Variants in HERC2 observed in about 807,000 individuals in gnomAD.
The protein encoded by HERC2 is HECT and RLD domain containing E3 ubiquitin protein ligase 2.
In HERC2, 102 loss-of-function variants were observed where a neutral mutation model predicts 537.7. The ratio of observed to expected loss-of-function variants is 0.19; its 90% CI spans 0.16 to 0.22. The LOEUF (loss-of-function observed/expected upper bound fraction) is 0.22. Ranked by LOEUF, HERC2 falls within the 10% of genes least tolerant of loss-of-function variation. The pLI, the probability that HERC2 is intolerant of heterozygous loss-of-function variation, is 1.00. For synonymous variants in HERC2, 2,224 were observed against 2,466.2 expected (o/e 0.90, Z 2.91); for missense variants, 4,236 against 6,198.2 (o/e 0.68, Z 10.63).
At chr15:28,190,831 G>A in intron 55 of HERC2, 134 bp downstream of exon 55, 1 of 665,550 alleles carries the variant, frequency 1.5e-6, no homozygotes, top group Non-Finnish European at 2.7e-6. Flanking sequence ...CTTTTAAAGT[G>A]TCAAAATTTA....
intron 27 of HERC2, 50 bp downstream of exon 27, chr15:28,234,020 C>T (rs1902161689): frequency 3.0e-6 from 2 of 658,374 alleles, no homozygotes; most frequent in Non-Finnish European, 5.5e-6. Flanking sequence ...ATGTCAAAGT[C>T]CTCAGATAAA....
At chr15:28,290,213 G>A (rs1203368943) in intron 4 of HERC2, among the ~76,000 whole-genome samples, 1 of 152,140 alleles carries the variant, frequency 6.6e-6, no homozygotes, top group Non-Finnish European at 1.5e-5. Flanking sequence ...ACAGTGAATA[G>A]AACAAGTAGG....
intron 2 of HERC2, among the ~76,000 whole-genome samples, chr15:28,319,767 T>C (rs1372004858): frequency 9.2e-5 from 14 of 152,206 alleles, no homozygotes; most frequent in South Asian, 2.1e-4. Flanking sequence ...AAACTGGTTT[T>C]AGATCAAGAC....
In HERC2 at chr15:28,196,537, C is replaced by A. The variant is rs1406939840; in HGVS notation, c.8044G>T (p.Asp2682Tyr). Reference protein sequence around the residue: ...FSANGKDIIVDFPQQSHWTGL... With the variant: ...FSANGKDIIVYFPQQSHWTGL... ...GTCCAGTGAGACTGCTGGGGAAAGTCGACAATGATATCTTTTCCATTGGCA... is the reference window on the plus strand; with the variant it reads ...GTCCAGTGAGACTGCTGGGGAAAGTAGACAATGATATCTTTTCCATTGGCA... The change falls in exon 51 of 93, where the codon GAC (aspartate) becomes TAC (tyrosine). Residue 2682 changes from aspartate (D) to tyrosine (Y), a missense_variant. Coordinates refer to ENST00000261609, the MANE Select transcript of HERC2 (RefSeq NM_004667.6). 1.9e-6 allele frequency: 3 copies of A among 1,613,066 alleles called. No individual in the cohort carries two copies. The highest frequency in any genetic ancestry group is 1.7e-5 in the Admixed American group (1 of 60,000).
intron 83 of HERC2, among the ~76,000 whole-genome samples, chr15:28,125,943 C>T (rs1165099765): frequency 6.6e-6 from 1 of 152,228 alleles, no homozygotes; most frequent in African/African-American, 2.4e-5. Flanking sequence ...TCCTGAGTAG[C>T]TAGGCTCACA....
At chr15:28,313,411 C>A (rs552581885) in intron 2 of HERC2, among the ~76,000 whole-genome samples, 2 of 152,312 alleles carry the variant, frequency 1.3e-5, no homozygotes, top group East Asian at 3.9e-4. Flanking sequence ...GACCTCCTGA[C>A]CTTGTGATCC....
intron 16 of HERC2, among the ~76,000 whole-genome samples, chr15:28,258,906 C>T (rs774789072): frequency 3.9e-5 from 6 of 152,048 alleles, no homozygotes; most frequent in Admixed American, 2.6e-4. Context: ...GGGACATCAC[C>T]GCAGGCCCCA....
chr15:28,229,357 A>C lies in HERC2; in HGVS notation c.5121-11T>G. On this transcript the variant is annotated splice_polypyrimidine_tract_variant and intron_variant, in intron 33 of 92. Transcript: ENST00000261609. ...TCAGTAAGAGGTTCCCTTTCAAATAAAGATAAAGAATTTGACTTGGGACAC... is the reference window on the plus strand; with the variant it reads ...TCAGTAAGAGGTTCCCTTTCAAATACAGATAAAGAATTTGACTTGGGACAC... 6.2e-7 allele frequency: 1 copy of C among 1,612,350 alleles called. No homozygotes were observed. Among genetic ancestry groups the C allele is most frequent in the Non-Finnish European group, 8.5e-7 (1 of 1,178,436 alleles).
intron 4 of HERC2, 30 bp from the exon 5 acceptor site, chr15:28,280,317 C>T: frequency 6.4e-7 from 1 of 1,552,196 alleles, no homozygotes; most frequent in East Asian, 2.3e-5. Context: ...AACATCTCAC[C>T]TGTGGACAAT....
Position 28,229,548 on chromosome 15 carries a change from G to A in HERC2, c.5032C>T (p.Leu1678=), listed in dbSNP as rs1298935190. The change falls in exon 33 of 93, where the codon CTG becomes TTG. Residue 1678 remains leucine, a synonymous_variant. Coordinates refer to ENST00000261609, the MANE Select transcript of HERC2 (RefSeq NM_004667.6). Reference sequence around the variant, plus strand: ...GGAAGTAAGAAATTCTTGCTCGCCAGTTTTAAAATTGTATCTATCCCTTCC... The same window carrying A: ...GGAAGTAAGAAATTCTTGCTCGCCAATTTTAAAATTGTATCTATCCCTTCC... ...RLEGIDTILK[L]ASKNFLLPSV... 1.2e-6 allele frequency: 2 copies of A among 1,613,658 alleles called. No homozygotes were observed.
chr15:28,306,600 T>C (rs1298909639), intron 2 of HERC2, among the ~76,000 whole-genome samples: 2 of 152,252 alleles, frequency 1.3e-5, no homozygotes, highest in South Asian at 2.1e-4. Flanking sequence ...AGTTTGGATG[T>C]ATTCCCTCCT....
chr15:28,132,295 C>T, intron 80 of HERC2, 34 bp from the exon 81 acceptor site: 3 of 1,574,912 alleles, frequency 1.9e-6, no homozygotes, highest in Non-Finnish European at 1.7e-6. Flanking sequence ...TGGCCAAGCA[C>T]AACACAAGAA....
At chr15:28,285,803 C>CAAAAAAAAAAAAAA (rs3079904) in intron 4 of HERC2, among the ~76,000 whole-genome samples, 7 of 72,376 alleles carry the variant, frequency 9.7e-5, no homozygotes, top group African/African-American at 1.3e-4. Flanking sequence ...GCATGACTGA[C>CAAAAAAAAAAAAAA]AAAAAAAAAA....
intron 35 of HERC2, among the ~76,000 whole-genome samples, chr15:28,224,271 G>C (rs1039547155): frequency 6.6e-6 from 1 of 151,740 alleles, no homozygotes; most frequent in Admixed American, 6.6e-5. Context: ...GCCCAGGCTG[G>C]AGTGCAGTGG....
rs925830018 is a variant in HERC2, at chr15:28,177,010, G to A, written c.9372C>T (p.Gly3124=). The change falls in exon 61 of 93, where the codon GGC becomes GGT. Residue 3124 remains glycine (G), a synonymous_variant. Coordinates refer to ENST00000261609, the MANE Select transcript of HERC2 (RefSeq NM_004667.6). The surrounding 1 kb of genome is among the most constrained non-coding windows in gnomAD (Gnocchi z 5.0). ...GTCCCAGCCGGCCGTACTCGCCGAG[G>A]CCCCAGGTGTACAGTTCTCCGCTGG... ...LTSSGELYTW[G]LGEYGRLGHG... is the part of the protein sequence containing the mutation. 1.2e-6 allele frequency: 2 copies of A among 1,614,120 alleles called. No individual in the cohort carries two copies. Among genetic ancestry groups the A allele is most frequent in the Non-Finnish European group, 1.7e-6 (2 of 1,179,980 alleles).
chr15:28,195,754 T>A (rs1215194502), intron 52 of HERC2, among the ~76,000 whole-genome samples: 1 of 152,156 alleles, frequency 6.6e-6, no homozygotes, highest in Non-Finnish European at 1.5e-5. Flanking sequence ...TAAGAGACAG[T>A]TGTGATGGTT....
chr15:28,289,776 A>G (rs114378649), intron 4 of HERC2, among the ~76,000 whole-genome samples: 65 of 152,342 alleles, frequency 4.3e-4, no homozygotes, highest in African/African-American at 1.5e-3. Flanking sequence ...AAACTATCTG[A>G]CTACAAAAGG....
chr15:28,156,863 A>G (rs1320706398), intron 69 of HERC2, among the ~76,000 whole-genome samples: 1 of 152,194 alleles, frequency 6.6e-6, no homozygotes, highest in Non-Finnish European at 1.5e-5. Flanking sequence ...GTGTTTGCCC[A>G]TTCAGTATGA....
intron 69 of HERC2, among the ~76,000 whole-genome samples, chr15:28,153,095 T>C (rs1166579925): frequency 6.6e-6 from 1 of 152,230 alleles, no homozygotes; most frequent in Non-Finnish European, 1.5e-5. Flanking sequence ...GGCTCACGCC[T>C]GGAATCCCAG....
Sources: gnomAD v4.1 joint callset for allele counts (sites outside exome capture counted in the v4.1 genomes callset) on GRCh38, gnomAD v4.1.1 for gene constraint, Gnocchi (gnomAD v3.1) non-coding constraint, MANE v1.5 for transcripts, NCBI Gene and HGNC (gene_info 2026-07-23, HGNC 2026-07-21) for gene names.